The following ACER3 variants were observed in gnomAD, a reference collection of about 807,000 sequenced individuals.
ACER3 encodes the protein alkaline ceramidase 3, also known as alkCDase 3.
Under a neutral mutation model 48.9 loss-of-function variants are expected in ACER3, and 16 were observed. That is an observed-to-expected ratio of 0.33 (90% CI 0.22 to 0.50). The LOEUF is 0.50. Ranked by LOEUF, ACER3 falls within the 20% of genes least tolerant of loss-of-function variation. The probability of loss-of-function intolerance (pLI) is 0.98; values close to 1 mark genes in which losing one functional copy is unlikely to be tolerated. For synonymous variants in ACER3, 109 were observed against 107.8 expected, an observed-to-expected ratio of 1.01 and a Z score of -0.07; for missense variants, 227 against 326.0, an observed-to-expected ratio of 0.70 and a Z score of 2.34.
At chr11:76,988,047 T>A (rs981955685) in intron 5 of ACER3, among the ~76,000 whole-genome samples, 1 of 152,178 alleles carries the variant, frequency 6.6e-6, no homozygotes, top group Non-Finnish European at 1.5e-5. Flanking sequence ...ATTAGGGATG[T>A]AAGAAAGCTA....
chr11:77,012,381 G>A (rs1369236688), intron 7 of ACER3, among the ~76,000 whole-genome samples: 9 of 123,666 alleles, frequency 7.3e-5, no homozygotes, highest in African/African-American at 1.6e-4. Context: ...TTGAGCCACT[G>A]TACTCCAGCC....
At position 76,942,393 on chromosome 11, in the gene ACER3, AT is replaced by A. The variant is rs901074641; in HGVS notation, c.214+15735del. On this transcript the variant is annotated intron_variant, in intron 2 of 10. Transcript: ENST00000532485. The stretch of plus-strand genomic sequence containing the variant: ...ATGAAAGGATGTTGAGTTTTAATGG[AT>A]TTTTTTTTGCATCTATTGAGATGAT... Among the ~76,000 whole-genome samples, 92 of 150,006 alleles carry A rather than the reference AT, an allele frequency of 6.1e-4. 1 individual carries two copies. Among genetic ancestry groups the A allele is most frequent in the African/African-American group, 4.4e-4 (18 of 40,884 alleles).
intron 1 of ACER3, among the ~76,000 whole-genome samples, chr11:76,915,246 A>G (rs1052885293): frequency 8.6e-5 from 13 of 151,614 alleles, no homozygotes; most frequent in Non-Finnish European, 1.5e-4. Flanking sequence ...AAGAAGACAG[A>G]AAAAAAAGGC....
chr11:76,896,589 A>G (rs770110486), intron 1 of ACER3, among the ~76,000 whole-genome samples: 6 of 152,124 alleles, frequency 3.9e-5, no homozygotes, highest in Admixed American at 1.3e-4. Flanking sequence ...ATATTATGGG[A>G]ACTTTGCTAA....
At chr11:76,950,866 A>G (rs1947647567) in intron 2 of ACER3, among the ~76,000 whole-genome samples, 1 of 152,174 alleles carries the variant, frequency 6.6e-6, no homozygotes, top group Non-Finnish European at 1.5e-5. Flanking sequence ...TGAGAGAAAG[A>G]TAATATGGAC....
chr11:76,968,372 G>T (rs1261740731), intron 3 of ACER3, among the ~76,000 whole-genome samples: 4 of 152,136 alleles, frequency 2.6e-5, no homozygotes, highest in Non-Finnish European at 4.4e-5. Flanking sequence ...ACTGCCCAAG[G>T]TAATTTATAG....
At chr11:76,967,362 C>T (rs537654358) in intron 3 of ACER3, among the ~76,000 whole-genome samples, 2 of 152,030 alleles carry the variant, frequency 1.3e-5, no homozygotes, top group South Asian at 4.2e-4. Context: ...GATTCACAGC[C>T]GAATTCTACC....
chr11:76,918,655 G>T (rs913139707), intron 1 of ACER3, among the ~76,000 whole-genome samples: 2 of 151,666 alleles, frequency 1.3e-5, no homozygotes, highest in African/African-American at 4.8e-5. Context: ...ATATTCTATG[G>T]ATCTTTCTCA....
At chr11:76,930,300 T>C (rs921074275) in intron 2 of ACER3, among the ~76,000 whole-genome samples, 1 of 152,240 alleles carries the variant, frequency 6.6e-6, no homozygotes, top group African/African-American at 2.4e-5. Context: ...TTCTGTGGGA[T>C]CAGTGGTGAT....
intron 1 of ACER3, among the ~76,000 whole-genome samples, chr11:76,867,680 A>C (rs893647010): frequency 6.6e-6 from 1 of 152,160 alleles, no homozygotes; most frequent in African/African-American, 2.4e-5. Flanking sequence ...AAATAAATAA[A>C]AGAAAGCTAA....
At chr11:76,928,871 G>T (rs557428783) in intron 2 of ACER3, among the ~76,000 whole-genome samples, 10 of 152,320 alleles carry the variant, frequency 6.6e-5, no homozygotes, top group African/African-American at 2.2e-4. Flanking sequence ...TAGCCTTGTA[G>T]TATAGTTTGA....
At chr11:76,934,759 C>CG (rs71040053) in intron 2 of ACER3, among the ~76,000 whole-genome samples, 22 of 117,048 alleles carry the variant, frequency 1.9e-4, no homozygotes, top group Non-Finnish European at 2.9e-4. Context: ...CGTGGGGAGA[C>CG]GGAGAGGGAG....
chr11:76,975,906 G>T (rs1432483330), intron 3 of ACER3, among the ~76,000 whole-genome samples: 2 of 127,664 alleles, frequency 1.6e-5, no homozygotes, highest in African/African-American at 5.7e-5. Flanking sequence ...TTGAGACAGG[G>T]TCTTGCTCTG....
intron 3 of ACER3, among the ~76,000 whole-genome samples, chr11:76,966,158 C>T (rs1265429301): frequency 6.6e-6 from 1 of 152,058 alleles, no homozygotes; most frequent in African/African-American, 2.4e-5. Flanking sequence ...GGGTTGCAAT[C>T]CTAGTCTCTG....
intron 1 of ACER3, among the ~76,000 whole-genome samples, chr11:76,905,751 AG>A (rs1946213623): frequency 6.6e-6 from 1 of 152,002 alleles, no homozygotes; most frequent in South Asian, 2.1e-4. Flanking sequence ...AGAAATTAAA[AG>A]GAATGAAATA....
chr11:76,977,749 G>A (rs779714731), intron 4 of ACER3, among the ~76,000 whole-genome samples: 71 of 152,284 alleles, frequency 4.7e-4, no homozygotes, highest in Non-Finnish European at 9.0e-4. Context: ...GAGTTGGTGG[G>A]GCAGGAGCCC....
chr11:77,001,670 C>T (rs1366468730), intron 7 of ACER3, among the ~76,000 whole-genome samples: 2 of 152,138 alleles, frequency 1.3e-5, no homozygotes, highest in African/African-American at 4.8e-5. Flanking sequence ...ACTTCCAAGA[C>T]TATGTTGAGT....
chr11:77,010,535 C>G (rs1254098229), intron 7 of ACER3, among the ~76,000 whole-genome samples: 1 of 150,210 alleles, frequency 6.7e-6, no homozygotes, highest in Non-Finnish European at 1.5e-5. Flanking sequence ...AAAAAGGAGA[C>G]AGAGGCAGAG....
At chr11:76,910,014 A>C (rs1025716326) in intron 1 of ACER3, among the ~76,000 whole-genome samples, 2 of 152,040 alleles carry the variant, frequency 1.3e-5, no homozygotes, top group Non-Finnish European at 2.9e-5. Flanking sequence ...GCAAACTAGC[A>C]CAGGAACAGA....
Sources: allele counts gnomAD v4.1 joint callset (sites outside exome capture counted in the v4.1 genomes callset), GRCh38; gene constraint gnomAD v4.1.1; transcripts MANE v1.5; gene names NCBI Gene and HGNC (gene_info 2026-07-23, HGNC 2026-07-21).